Variants in NSF observed in about 807,000 individuals in gnomAD.
The protein encoded by NSF is N-ethylmaleimide sensitive factor, vesicle fusing ATPase.
Under a neutral mutation model 50.3 loss-of-function variants are expected in NSF, and 14 were observed. The observed-to-expected ratio is 0.28, with a 90% CI of 0.18 to 0.44. NSF has a LOEUF of 0.44. Among genes scored for constraint, NSF ranks in the 20% least tolerant of loss-of-function variants. The probability of loss-of-function intolerance (pLI) is 1.00; values close to 1 mark genes in which losing one functional copy is unlikely to be tolerated. For missense variants in NSF, 218 were observed against 504.3 expected (o/e 0.43, Z 5.44); for synonymous variants, 109 against 175.7 (o/e 0.62, Z 3.00).
chr17:46,711,000 T>G lies in NSF; in HGVS notation c.1508T>G (p.Ile503Ser), dbSNP rs746810921. The G allele has an allele frequency of 2.0e-5, 32 of 1,597,852 alleles. No homozygotes were observed. Among genetic ancestry groups the G allele is most frequent in the Non-Finnish European group, 2.6e-5 (31 of 1,175,602 alleles). Reference protein sequence around the residue: ...GTNQEDYASYIMNGIIKWGDP... With the variant: ...GTNQEDYASYSMNGIIKWGDP... ...AACCAAGAAGATTATGCAAGTTACA[T>G]TATGAACGGTATCATCAAATGGGGT... is the stretch of plus-strand genomic sequence containing the variant. The change falls in exon 14 of 21, where the codon ATT (isoleucine) becomes AGT (serine). Residue 503 changes from isoleucine to serine, a missense_variant. Transcript: ENST00000398238.
intron 15 of NSF, among the ~76,000 whole-genome samples, chr17:46,720,117 C>A (rs1245188695): frequency 6.6e-6 from 1 of 152,192 alleles, no homozygotes; most frequent in Non-Finnish European, 1.5e-5. Flanking sequence ...GAAATTGGAT[C>A]TTTTGACAGC....
intron 9 of NSF, among the ~76,000 whole-genome samples, chr17:46,676,617 C>T (rs1457646119): frequency 3.0e-5 from 4 of 132,190 alleles, no homozygotes; most frequent in Non-Finnish European, 4.7e-5. Context: ...GCTTGAAACC[C>T]GAAGCTGAGA....
chr17:46,715,420 G>A (rs1440005671), intron 15 of NSF, among the ~76,000 whole-genome samples: 1 of 152,192 alleles, frequency 6.6e-6, no homozygotes, highest in African/African-American at 2.4e-5. Flanking sequence ...CTTGAAATCT[G>A]TAGCTGTTGA....
intron 17 of NSF, among the ~76,000 whole-genome samples, chr17:46,736,622 A>G (rs1339172999): frequency 1.3e-5 from 2 of 152,234 alleles, no homozygotes; most frequent in African/African-American, 4.8e-5. Flanking sequence ...TCAGGAAAAA[A>G]TAAAAAATGT....
At chr17:46,602,884 CT>C (rs1414167843) in intron 1 of NSF, among the ~76,000 whole-genome samples, 2 of 106,844 alleles carry the variant, frequency 1.9e-5, no homozygotes, top group Admixed American at 2.1e-4. Flanking sequence ...ACATTTGCTT[CT>C]GAACATCTTA....
intron 17 of NSF, among the ~76,000 whole-genome samples, chr17:46,749,053 A>C (rs2059158056): frequency 1.3e-5 from 2 of 152,212 alleles, no homozygotes; most frequent in South Asian, 4.1e-4. Flanking sequence ...CCATGGTAGG[A>C]AGTTAGTAAA....
Position 46,693,426 on chromosome 17 carries a change from G to A in NSF, c.1111+358G>A, listed in dbSNP as rs540360348. On this transcript the variant is annotated intron_variant, in intron 10 of 20. Coordinates refer to ENST00000398238, the MANE Select transcript of NSF (RefSeq NM_006178.4). ...GTGCTTTCAGGGTCAGTGAGGGCCA[G>A]GGAGTGCGTTTCAGATCCTACATCA... 2.5e-3 allele frequency among the ~76,000 whole-genome samples: 382 copies of A among 152,086 alleles called. 5 individuals carry two copies. The highest frequency in any genetic ancestry group is 9.0e-3 in the African/African-American group (373 of 41,396).
At chr17:46,598,748 ATGAC>A (rs1404960814) in intron 1 of NSF, among the ~76,000 whole-genome samples, 1 of 152,078 alleles carries the variant, frequency 6.6e-6, no homozygotes, top group African/African-American at 2.4e-5. Flanking sequence ...TTGTGGGTGA[ATGAC>A]ATCATTACCA....
chr17:46,707,342 C>T (rs1287314794), intron 13 of NSF, among the ~76,000 whole-genome samples: 1 of 152,122 alleles, frequency 6.6e-6, no homozygotes, highest in Non-Finnish European at 1.5e-5. Context: ...GATACAAGTT[C>T]TTTATATACT....
chr17:46,714,635 G>GCAA (rs1057099124), intron 15 of NSF, among the ~76,000 whole-genome samples: 1 of 152,142 alleles, frequency 6.6e-6, no homozygotes, highest in South Asian at 2.1e-4. Context: ...CAAGTGCCAT[G>GCAA]CAACAACAAC....
intron 15 of NSF, among the ~76,000 whole-genome samples, chr17:46,714,941 CT>C (rs1490602920): frequency 7.2e-5 from 11 of 152,120 alleles, no homozygotes; most frequent in Non-Finnish European, 1.2e-4. Context: ...TAGGCATTCG[CT>C]TTATAAAGAT....
In NSF at chr17:46,675,338, C is replaced by CAAG. The variant is rs2058393300; in HGVS notation, c.945+725_945+726insAAG. ...TTAAGGCCTGAACAGAACAAAAAGGCTTACTTTCCTGCAAGTAAGAGGGAA... is the reference window on the plus strand; with the variant it reads ...TTAAGGCCTGAACAGAACAAAAAGGCAAGTTACTTTCCTGCAAGTAAGAGGGAA... On this transcript the variant is annotated intron_variant, in intron 9 of 20. Transcript: ENST00000398238. 1.6e-5 allele frequency among the ~76,000 whole-genome samples: 2 copies of CAAG among 122,892 alleles called. 1 individual carries two copies. Among genetic ancestry groups the CAAG allele is most frequent in the Admixed American group, 1.9e-4 (2 of 10,582 alleles). The allele number at this position is 122,892 out of a possible 152,430, so 80.6% of individuals were successfully genotyped here. A position where few individuals can be genotyped will look rare whatever the true frequency, so the allele number is the denominator to read the frequency against.
intron 4 of NSF, among the ~76,000 whole-genome samples, chr17:46,633,542 CA>C (rs2146153513): frequency 7.0e-6 from 1 of 141,866 alleles, no homozygotes; most frequent in African/African-American, 2.6e-5. Flanking sequence ...TGTGCCTGGC[CA>C]AGTTTTAATT....
chr17:46,721,442 C>T (rs889986539), intron 15 of NSF: 1 of 613,178 alleles, frequency 1.6e-6, no homozygotes, highest in Non-Finnish European at 2.9e-6. Flanking sequence ...TTTCAGACTT[C>T]CCTCCTAACT....
At chr17:46,711,171 T>A (rs778490063) in intron 14 of NSF, 52 bp downstream of exon 14, 1 of 1,437,258 alleles carries the variant, frequency 7.0e-7, no homozygotes, top group African/African-American at 1.5e-5. Context: ...AAAAGCAGCA[T>A]TTTTTAAAAG....
intron 17 of NSF, among the ~76,000 whole-genome samples, chr17:46,744,649 C>T (rs1043504704): frequency 2.6e-5 from 4 of 151,990 alleles, no homozygotes; most frequent in African/African-American, 7.2e-5. Flanking sequence ...TCCACTTGAA[C>T]TTTTGTTACA....
At chr17:46,726,475 A>G (rs1212342457) in intron 15 of NSF, 74 bp from the exon 16 acceptor site, 1 of 1,347,372 alleles carries the variant, frequency 7.4e-7, no homozygotes, top group African/African-American at 1.4e-5. Flanking sequence ...TTGCTCAAGA[A>G]GTAACTAAAC....
chr17:46,680,400 T>C (rs2058444124), intron 9 of NSF, among the ~76,000 whole-genome samples: 1 of 151,590 alleles, frequency 6.6e-6, no homozygotes, highest in African/African-American at 2.4e-5. Flanking sequence ...GATAATTGAC[T>C]ACCTATTTGG....
At position 46,755,326 on chromosome 17, in the gene NSF, T is replaced by C. The variant is rs756360308; in HGVS notation, c.2170T>C (p.Tyr724His). 1.9e-6 allele frequency: 3 copies of C among 1,613,490 alleles called. No homozygotes were observed. Among genetic ancestry groups the C allele is most frequent in the South Asian group, 2.2e-5 (2 of 91,060 alleles). ...CTGATGTATTTAGATGGATCCTGAA[T>C]ACCGTGTGAGAAAATTCTTGGCCCT... is the stretch of plus-strand genomic sequence containing the variant. The part of the protein sequence containing the change: ...IEMSLQMDPE[Y>H]RVRKFLALLR... Residue 724 changes from tyrosine to histidine, a missense_variant, in exon 20 of 21, where the codon TAC becomes CAC. Transcript: ENST00000398238.
Sources: gnomAD v4.1 joint callset for allele counts (sites outside exome capture counted in the v4.1 genomes callset) on GRCh38, gnomAD v4.1.1 for gene constraint, MANE v1.5 for transcripts, NCBI Gene and HGNC (gene_info 2026-07-23, HGNC 2026-07-21) for gene names.